PRRC2B: variants seen among roughly 807,000 people sequenced by gnomAD.
The protein encoded by PRRC2B is proline rich coiled-coil 2B.
Under a neutral mutation model 242.3 loss-of-function variants are expected in PRRC2B, and 68 were observed. That is an observed-to-expected ratio of 0.28 (90% confidence interval 0.23 to 0.34). The LOEUF (loss-of-function observed/expected upper bound fraction) is 0.34, where lower values mean the gene tolerates loss of function less well. Among genes scored for constraint, PRRC2B ranks in the 10% least tolerant of loss-of-function variants. PRRC2B has a pLI of 1.00. For synonymous variants in PRRC2B, 1,228 were observed against 1,173.6 expected (o/e 1.05, Z -0.95); for missense variants, 2,835 against 2,954.8 (o/e 0.96, Z 0.94).
chr9:131,430,074 C>A lies in PRRC2B; in HGVS notation c.-51-20C>A, dbSNP rs878985982. 1,491 of 274,258 alleles carry A rather than the reference C, an allele frequency of 5.4e-3. No individual in the cohort carries two copies. Among genetic ancestry groups the A allele is most frequent in the Non-Finnish European group, 6.1e-3 (1,014 of 165,552 alleles). 17.0% of individuals were successfully genotyped at this position (274,258 alleles called of 1,614,324 possible). On this transcript the variant is annotated intron_variant, in intron 1 of 31. Coordinates refer to ENST00000683519, the MANE Select transcript of PRRC2B (RefSeq NM_013318.4). Reference sequence around the variant, plus strand: ...TTTTTCTCTCTCTTTTTTTTTTTTTCTTCTCTATTTCAAAGGCAGATCGGG... The same window carrying A: ...TTTTTCTCTCTCTTTTTTTTTTTTTATTCTCTATTTCAAAGGCAGATCGGG...
At chr9:131,423,196 C>T (rs920906947) in intron 1 of PRRC2B, among the ~76,000 whole-genome samples, 9 of 152,196 alleles carry the variant, frequency 5.9e-5, no homozygotes, top group Non-Finnish European at 1.2e-4. Context: ...TTATGCTAAC[C>T]TGCGAGGACT....
chr9:131,389,912 GTTGTTTTTTTTT>G (rs1488524825), upstream of PRRC2B, among the ~76,000 whole-genome samples: 5 of 136,384 alleles, frequency 3.7e-5, no homozygotes, highest in Non-Finnish European at 7.9e-5. Flanking sequence ...TCGGAACATG[GTTGTTTTTTTTT>G]TTGTTTTTTT....
chr9:131,473,638 A>C lies in PRRC2B; in HGVS notation c.2238A>C (p.Pro746=), dbSNP rs374378603. 1.2e-6 allele frequency: 2 copies of C among 1,613,666 alleles called. No individual in the cohort carries two copies. The highest frequency in any genetic ancestry group is 2.7e-5 in the African/African-American group (2 of 74,900). ...TPIDSPPVWS[P]EGYMALQSKG... is the part of the protein sequence containing the mutation. ...TCGACTCACCCCCTGTGTGGAGCCC[A>C]GAGGGCTACATGGCACTGCAGAGCA... Residue 746 remains proline, a synonymous_variant, in exon 15 of 32, where the codon CCA becomes CCC. Transcript: ENST00000683519.
Position 131,494,474 on chromosome 9 carries a change from C to A in PRRC2B, c.6543C>A (p.His2181Gln). 6.3e-7 allele frequency: 1 copy of A among 1,585,662 alleles called. No homozygotes were observed. Among genetic ancestry groups the A allele is most frequent in the Non-Finnish European group, 8.6e-7 (1 of 1,157,556 alleles). ...TTAACATGGGCTCTGTGCAGGGACA[C>A]TACGTGCAACAGGTAGAAGATGGCT... ...SAVNMGSVQG[H>Q]YVQQAKQRVD... is the part of the protein sequence containing the mutation. The change falls in exon 31 of 32, where the codon CAC becomes CAA. Residue 2181 changes from histidine (H) to glutamine (Q), a missense_variant. This residue lies in a region of PRRC2B where 574 missense variants were observed against 626.0 expected (regional missense o/e 0.92). Coordinates refer to ENST00000683519, the MANE Select transcript of PRRC2B (RefSeq NM_013318.4). The surrounding 1 kb of genome is among the most constrained non-coding windows in gnomAD (Gnocchi z 4.3).
chr9:131,498,272 GAAAA>G lies in PRRC2B; in HGVS notation c.*2404_*2407del, dbSNP rs566341815. ...ATGTATTGATGTTGTAGGTCTAGGT[GAAAA>G]AAAAAGAAGTAAATGTTTCACTGCT... On this transcript the variant is annotated 3_prime_UTR_variant, in exon 32 of 32. Transcript: ENST00000683519. The G allele has an allele frequency of 6.6e-6, 1 of 151,076 alleles. No individual in the cohort carries two copies. Among genetic ancestry groups the G allele is most frequent in the Non-Finnish European group, 1.5e-5 (1 of 67,708 alleles). The allele number at this position is 151,076 out of a possible 1,614,324, so 9.4% of individuals were successfully genotyped here. A position where few individuals can be genotyped will look rare whatever the true frequency, so the allele number is the denominator to read the frequency against.
At position 131,494,293 on chromosome 9, in the gene PRRC2B, G is replaced by A. The variant is rs143519913; in HGVS notation, c.6474-112G>A. On this transcript the variant is annotated intron_variant, in intron 30 of 31. Transcript: ENST00000683519. The surrounding 1 kb of genome is among the most constrained non-coding windows in gnomAD (Gnocchi z 4.3). ...GATCCACGGACCGTCCCGAGTGAGC[G>A]CCTCTGGCCGCAGGCCCTTCCTTCC... The A allele has an allele frequency of 2.2e-3, 1,354 of 629,036 alleles. 5 individuals carry two copies. Among genetic ancestry groups the A allele is most frequent in the African/African-American group, 4.1e-3 (222 of 53,544 alleles). The allele number at this position is 629,036 out of a possible 1,614,324, so 39.0% of individuals were successfully genotyped here.
rs758698070 is a variant in PRRC2B, at chr9:131,470,841, C to T, written c.1965C>T (p.His655=). The change falls in exon 14 of 32, where the codon CAC becomes CAT. Residue 655 remains histidine (H), a synonymous_variant. Transcript: ENST00000683519. ...AGCCGGTGTACCCCCCGCCGTCCCA[C>T]CCCCAGCGCACCTTTTACCCACACC... is the stretch of plus-strand genomic sequence containing the variant. ...HWQPVYPPPS[H]PQRTFYPHHP... 3.7e-6 allele frequency: 6 copies of T among 1,610,440 alleles called. No individual in the cohort carries two copies. The South Asian group carries it at 6.6e-5, about 18-fold the overall frequency.
chr9:131,446,669 C>A lies in PRRC2B; in HGVS notation c.855+27C>A, dbSNP rs1256449374. 6.2e-7 allele frequency: 1 copy of A among 1,610,578 alleles called. No homozygotes were observed. On this transcript the variant is annotated intron_variant, in intron 7 of 31. Coordinates refer to ENST00000683519, the MANE Select transcript of PRRC2B (RefSeq NM_013318.4). The surrounding 1 kb of genome is among the most constrained non-coding windows in gnomAD (Gnocchi z 4.1). ...TAAGTCTTCAGAGTGTACTTTTTTT[C>A]CCCCCATGAAGTTGGATTGTGTCCA...
chr9:131,484,160 C>T (rs948207458), intron 23 of PRRC2B, among the ~76,000 whole-genome samples: 7 of 152,176 alleles, frequency 4.6e-5, no homozygotes, highest in Admixed American at 1.3e-4. Context: ...CTGCAGGAAG[C>T]GGGGGCACTG....
intron 2 of PRRC2B, among the ~76,000 whole-genome samples, chr9:131,431,364 T>A (rs947478664): frequency 4.6e-5 from 7 of 151,390 alleles, no homozygotes; most frequent in African/African-American, 1.7e-4. Flanking sequence ...TCTCCTGACC[T>A]CGTGATCGGC....
chr9:131,487,318 G>C lies in PRRC2B; in HGVS notation c.5984+24G>C. On this transcript the variant is annotated intron_variant, in intron 27 of 31. Coordinates refer to ENST00000683519, the MANE Select transcript of PRRC2B (RefSeq NM_013318.4). This position sits in a 1 kb window ranked among gnomAD's most constrained non-coding sequence, Gnocchi z 5.3. ...AGGTGAGCTCATGTACCAGCTTGCG[G>C]AGCTGGCAGCTCACAGCCAGGGCCT... 1 of 1,569,254 alleles carries C rather than the reference G, an allele frequency of 6.4e-7. No homozygotes were observed. The highest frequency in any genetic ancestry group is 2.3e-5 in the East Asian group (1 of 43,464).
At chr9:131,471,074 G>C in intron 14 of PRRC2B, 91 bp downstream of exon 14, 1 of 923,178 alleles carries the variant, frequency 1.1e-6, no homozygotes. Flanking sequence ...GATACACCTG[G>C]ATTTTGGTCT....
At chr9:131,479,070 T>C (rs1252868057) in intron 18 of PRRC2B, among the ~76,000 whole-genome samples, 182 bp from the exon 19 acceptor site, 3 of 152,084 alleles carry the variant, frequency 2.0e-5, no homozygotes, top group African/African-American at 7.2e-5. Context: ...TTTCAGGTCT[T>C]TCTTGGGGGG....
At chr9:131,401,168 A>G (rs1239342978) in intron 1 of PRRC2B, among the ~76,000 whole-genome samples, 2 of 151,790 alleles carry the variant, frequency 1.3e-5, no homozygotes, top group Non-Finnish European at 2.9e-5. Flanking sequence ...CTTTATTTGA[A>G]TTTTAAAAAT....
intron 4 of PRRC2B, among the ~76,000 whole-genome samples, chr9:131,438,375 G>T (rs1023839162): frequency 1.3e-5 from 2 of 152,082 alleles, no homozygotes; most frequent in African/African-American, 2.4e-5. Flanking sequence ...CTTCTCAGGG[G>T]GTGGTGAGCA....
chr9:131,482,423 C>A lies in PRRC2B; in HGVS notation c.5036C>A (p.Ser1679Tyr). Residue 1679 changes from serine to tyrosine, a missense_variant, in exon 21 of 32, where the codon TCT becomes TAT. Ser to Tyr is a moderately radical substitution (Grantham distance 144). Coordinates refer to ENST00000683519, the MANE Select transcript of PRRC2B (RefSeq NM_013318.4). The surrounding 1 kb of genome is among the most constrained non-coding windows in gnomAD (Gnocchi z 5.2). ...GDSGVDLSAE[S>Y]RESSATSSQR... ...AGTGGCGTTGACTTGAGTGCCGAGT[C>A]TCGGGAGTCGTCTGCGACCTCCTCG... The A allele has an allele frequency of 6.2e-7, 1 of 1,602,728 alleles. No homozygotes were observed. The highest frequency in any genetic ancestry group is 8.5e-7 in the Non-Finnish European group (1 of 1,170,876).
intron 13 of PRRC2B, 98 bp from the exon 14 acceptor site, chr9:131,470,690 C>T (rs867842309): frequency 1.0e-5 from 10 of 985,118 alleles, no homozygotes; most frequent in Non-Finnish European, 1.5e-5. Context: ...GGTGGGCTTT[C>T]TGTGCTGCCA....
chr9:131,454,776 C>T (rs1280837370), intron 9 of PRRC2B, among the ~76,000 whole-genome samples: 3 of 152,122 alleles, frequency 2.0e-5, no homozygotes, highest in African/African-American at 7.2e-5. Context: ...GCTAGTATTA[C>T]AGGCACACGC....
At chr9:131,422,235 A>G (rs1405471371) in intron 1 of PRRC2B, among the ~76,000 whole-genome samples, 3 of 151,894 alleles carry the variant, frequency 2.0e-5, no homozygotes, top group Non-Finnish European at 2.9e-5. Context: ...TTGTATTTTT[A>G]GTAGAGACGG....
Sources: allele counts gnomAD v4.1 joint callset (sites outside exome capture counted in the v4.1 genomes callset), GRCh38; gene constraint gnomAD v4.1.1; regional missense constraint gnomAD v4.1.1; non-coding constraint Gnocchi (gnomAD v3.1); transcripts MANE v1.5; gene names NCBI Gene and HGNC (gene_info 2026-07-23, HGNC 2026-07-21).